The following TEK variants were observed in gnomAD, a reference collection of about 807,000 sequenced individuals.
The protein encoded by TEK is TEK receptor tyrosine kinase, also known as angiopoietin-1 receptor.
TEK carries 43 observed loss-of-function variants against 131.8 expected under a neutral mutation model. That is an observed-to-expected ratio of 0.33 (90% CI 0.26 to 0.42). The LOEUF (loss-of-function observed/expected upper bound fraction) is 0.42, where lower values mean the gene tolerates loss of function less well. Among genes scored for constraint, TEK ranks in the 10% least tolerant of loss-of-function variants. TEK has a pLI of 1.00. For synonymous variants in TEK, 580 were observed against 491.6 expected, an observed-to-expected ratio of 1.18 and a Z score of -2.38; for missense variants, 1,162 against 1,384.4, an observed-to-expected ratio of 0.84 and a Z score of 2.55.
intron 13 of TEK, 81 bp downstream of exon 13, chr9:27,203,200 A>G: frequency 6.8e-7 from 1 of 1,476,014 alleles, no homozygotes; most frequent in Non-Finnish European, 9.4e-7. Context: ...GGCCTGTGAG[A>G]TGAAAGCCTA....
At chr9:27,177,899 C>G (rs896127493) in intron 6 of TEK, among the ~76,000 whole-genome samples, 2 of 152,150 alleles carry the variant, frequency 1.3e-5, no homozygotes, top group Admixed American at 6.5e-5. Flanking sequence ...AATACATTCT[C>G]TTGTTCCATA....
rs888413726 is a variant in TEK at position 27,209,382 on chromosome 9, T to C, written c.2686+151T>C. On this transcript the variant is annotated intron_variant, in intron 16 of 22. Transcript: ENST00000380036. ...CTGAATGTCTGTCTAGTCCCATTTA[T>C]AGACTGTGCTGTGGTTTGCCTTGTT... 1.4e-5 allele frequency: 10 copies of C among 707,068 alleles called. No individual in the cohort carries two copies. The African/African-American group carries it at 1.6e-4, about 11-fold the overall frequency. The allele number at this position is 707,068 out of a possible 1,614,324, so 43.8% of individuals were successfully genotyped here. A position where few individuals can be genotyped will look rare whatever the true frequency, so the allele number is the denominator to read the frequency against.
intron 1 of TEK, among the ~76,000 whole-genome samples, chr9:27,142,382 C>G (rs914221077): frequency 6.6e-6 from 1 of 152,158 alleles, no homozygotes; most frequent in Non-Finnish European, 1.5e-5. Context: ...TCATAACATG[C>G]ATTTATTATT....
intron 11 of TEK, chr9:27,195,578 AT>A: frequency 4.4e-6 from 2 of 452,576 alleles, no homozygotes; most frequent in Non-Finnish European, 8.9e-6. Flanking sequence ...GAATTAGAGG[AT>A]CTCTATCCTA....
At chr9:27,220,576 G>C (rs1047096499) in intron 21 of TEK, among the ~76,000 whole-genome samples, 7 of 152,236 alleles carry the variant, frequency 4.6e-5, no homozygotes, top group African/African-American at 1.7e-4. Flanking sequence ...CAGAAGGCAA[G>C]TGATTTCTGC....
rs1358942119 is a variant in TEK, at chr9:27,114,770, AAAGAT to A, written c.52+5130_52+5134del. ...TTTCTTCTGTTAGGTGTGAAACATA[AAAGAT>A]ATACTCATAAAAGTGGTTCTAACCA... is the stretch of plus-strand genomic sequence containing the variant. On this transcript the variant is annotated intron_variant, in intron 1 of 22. Transcript: ENST00000380036. 7.9e-5 allele frequency among the ~76,000 whole-genome samples: 12 copies of A among 152,318 alleles called. 2 individuals carry two copies. Among genetic ancestry groups the A allele is most frequent in the African/African-American group, 2.9e-4 (12 of 41,566 alleles).
chr9:27,111,729 TC>T (rs1447031063), intron 1 of TEK, among the ~76,000 whole-genome samples: 1 of 15,460 alleles, frequency 6.5e-5, no homozygotes, highest in African/African-American at 7.0e-5. Flanking sequence ...TATTAGCTTT[TC>T]CCTACTCTTC....
In TEK at chr9:27,172,896, C is replaced by T. The variant is rs1006407726; in HGVS notation, c.760+149C>T. ...CCTGTGTGTGAATTAGAAAAAGGTG[C>T]CTTTTCCTAAAGGTTCTTTAATGCC... On this transcript the variant is annotated intron_variant, in intron 5 of 22. Transcript: ENST00000380036. The T allele has an allele frequency of 2.6e-6, 3 of 1,140,336 alleles. No homozygotes were observed. In the African/African-American group the frequency reaches 4.7e-5, roughly 18 times the overall value. 70.6% of individuals were successfully genotyped at this position (1,140,336 alleles called of 1,614,324 possible).
chr9:27,162,344 G>A (rs1475407119), intron 2 of TEK, among the ~76,000 whole-genome samples: 1 of 152,102 alleles, frequency 6.6e-6, no homozygotes, highest in African/African-American at 2.4e-5. Flanking sequence ...GCTTAAATTG[G>A]CTCACACACT....
Position 27,230,144 on chromosome 9 carries a change from G to A in TEK, c.*912G>A, listed in dbSNP as rs939282869. The A allele has an allele frequency of 3.9e-5, 6 of 152,178 alleles. No individual in the cohort carries two copies. Among genetic ancestry groups the A allele is most frequent in the Admixed American group, 6.5e-5 (1 of 15,276 alleles). The allele number at this position is 152,178 out of a possible 1,614,324, so 9.4% of individuals were successfully genotyped here. On this transcript the variant is annotated 3_prime_UTR_variant, in exon 23 of 23. Coordinates refer to ENST00000380036, the MANE Select transcript of TEK (RefSeq NM_000459.5). ...CACACTTTGCACTGATATATCATGA[G>A]TGAATAAATGTCTTGCCTACTCACG...
chr9:27,129,070 A>G (rs1022172673), intron 1 of TEK, among the ~76,000 whole-genome samples: 5 of 152,204 alleles, frequency 3.3e-5, no homozygotes, highest in East Asian at 1.9e-4. Flanking sequence ...CAAAGGGAAT[A>G]CTTCCAGTTT....
At chr9:27,177,570 G>A (rs1824217247) in intron 6 of TEK, among the ~76,000 whole-genome samples, 1 of 152,192 alleles carries the variant, frequency 6.6e-6, no homozygotes, top group Non-Finnish European at 1.5e-5. Context: ...GACCAACAAC[G>A]AGAAACCCCG....
At position 27,169,485 on chromosome 9, in the gene TEK, A is replaced by C; in HGVS notation, c.484A>C (p.Ile162Leu). Reference sequence around the variant, plus strand: ...CTCTTCCCTCTTACTAGGTTCCTTCATCCATTCAGTGCCCCGGCATGAAGT... The same window carrying C: ...CTCTTCCCTCTTACTAGGTTCCTTCCTCCATTCAGTGCCCCGGCATGAAGT... Reference protein sequence around the residue: ...DAVIYKNGSFIHSVPRHEVPD... With the variant: ...DAVIYKNGSFLHSVPRHEVPD... The change falls in exon 4 of 23, where the codon ATC (isoleucine) becomes CTC (leucine). Residue 162 changes from isoleucine (I) to leucine (L), a missense_variant. Physicochemically the swap from Ile to Leu is conservative, Grantham distance 5. Around this residue, in one of 6 missense-constraint regions of TEK, gnomAD observed 436 missense variants for 539.1 expected, o/e 0.81. Transcript: ENST00000380036. The C allele has an allele frequency of 6.2e-7, 1 of 1,614,006 alleles. No homozygotes were observed. Among genetic ancestry groups the C allele is most frequent in the East Asian group, 2.2e-5 (1 of 44,878 alleles).
intron 1 of TEK, among the ~76,000 whole-genome samples, chr9:27,118,329 T>C (rs1821647608): frequency 6.6e-6 from 1 of 152,124 alleles, no homozygotes; most frequent in Admixed American, 6.6e-5. Flanking sequence ...AAGTGACATG[T>C]CCAAGGTTAA....
chr9:27,117,904 C>T (rs1821631227), intron 1 of TEK, among the ~76,000 whole-genome samples: 1 of 152,210 alleles, frequency 6.6e-6, no homozygotes, highest in African/African-American at 2.4e-5. Context: ...CACTGGAAGA[C>T]AATGCTCGGC....
At chr9:27,159,497 G>A (rs1268537918) in intron 2 of TEK, among the ~76,000 whole-genome samples, 1 of 152,146 alleles carries the variant, frequency 6.6e-6, no homozygotes, top group East Asian at 1.9e-4. Context: ...TTTGGAAAAG[G>A]ACCATGATTT....
At chr9:27,157,146 A>G (rs10967742) in intron 1 of TEK, among the ~76,000 whole-genome samples, 30,016 of 152,158 alleles carry the variant, frequency 0.2, 3,793 homozygotes, top group Non-Finnish European at 0.29. Flanking sequence ...GGAGAGGGTA[A>G]GGTTTGGGGC....
At chr9:27,210,227 A>G (rs1334810) in intron 16 of TEK, 77,803 of 152,004 alleles carry the variant, frequency 0.51, 20,484 homozygotes, top group South Asian at 0.61. Flanking sequence ...GAAAACAGTA[A>G]TGAGCATGGC....
intron 2 of TEK, among the ~76,000 whole-genome samples, chr9:27,164,571 G>A (rs1823660804): frequency 6.6e-6 from 1 of 152,096 alleles, no homozygotes; most frequent in African/African-American, 2.4e-5. Flanking sequence ...TGCCCACCTT[G>A]GCCTCACAAA....
Sources: gnomAD v4.1 joint callset for allele counts (sites outside exome capture counted in the v4.1 genomes callset) on GRCh38, gnomAD v4.1.1 for gene constraint, gnomAD v4.1.1 regional missense constraint, MANE v1.5 for transcripts, NCBI Gene and HGNC (gene_info 2026-07-23, HGNC 2026-07-21) for gene names.